The following CSMD1 variants were observed in gnomAD, a reference collection of about 807,000 sequenced individuals.
CSMD1 encodes the protein CUB and Sushi multiple domains 1, also known as CUB and sushi domain-containing protein 1.
In CSMD1, 213 loss-of-function variants were observed where a neutral mutation model predicts 417.5. The observed-to-expected ratio is 0.51, with a 90% CI of 0.46 to 0.57. The LOEUF (loss-of-function observed/expected upper bound fraction) is 0.57. Ranked by LOEUF, CSMD1 falls within the 20% of genes least tolerant of loss-of-function variation. CSMD1 has a pLI of 0.00. For missense variants in CSMD1, 6,923 were observed against 4,529.7 expected (o/e 1.53, Z -15.17); for synonymous variants, 2,862 against 1,736.8 (o/e 1.65, Z -16.11).
intron 2 of CSMD1, among the ~76,000 whole-genome samples, chr8:4,507,081 T>C (rs1030745736): frequency 6.6e-6 from 1 of 152,178 alleles, no homozygotes; most frequent in African/African-American, 2.4e-5. Flanking sequence ...TGCTTATTGA[T>C]TACCTTGATT....
intron 1 of CSMD1, among the ~76,000 whole-genome samples, chr8:4,925,168 C>T (rs977344610): frequency 6.8e-6 from 1 of 146,982 alleles, no homozygotes; most frequent in African/African-American, 2.5e-5. Context: ...AGGACAACAT[C>T]ACTATGGTTA....
intron 3 of CSMD1, among the ~76,000 whole-genome samples, chr8:4,034,404 G>A (rs977727709): frequency 1.3e-5 from 2 of 152,154 alleles, no homozygotes; most frequent in African/African-American, 4.8e-5. Flanking sequence ...AAACACAACA[G>A]AAAATAGTTC....
At chr8:4,885,288 TTTCC>T (rs1005897452) in intron 1 of CSMD1, among the ~76,000 whole-genome samples, 2 of 152,062 alleles carry the variant, frequency 1.3e-5, no homozygotes, top group African/African-American at 4.8e-5. Context: ...GAGAGATAGT[TTTCC>T]TTCTTTTTTT....
chr8:4,271,393 C>T (rs543422270), intron 3 of CSMD1, among the ~76,000 whole-genome samples: 11 of 152,112 alleles, frequency 7.2e-5, no homozygotes, highest in Admixed American at 5.2e-4. Flanking sequence ...TTAAAAAATA[C>T]GTAGCTTTGC....
chr8:4,914,007 G>C (rs1227009321), intron 1 of CSMD1, among the ~76,000 whole-genome samples: 1 of 152,104 alleles, frequency 6.6e-6, no homozygotes, highest in Admixed American at 6.5e-5. Context: ...TCACATATAA[G>C]GTGTGATGCT....
chr8:3,905,858 A>G (rs559624701), intron 5 of CSMD1, among the ~76,000 whole-genome samples: 1 of 152,284 alleles, frequency 6.6e-6, no homozygotes, highest in South Asian at 2.1e-4. Flanking sequence ...CGGACTGTGG[A>G]CCCAATTTAG....
chr8:2,972,895 C>A (rs1181174348), intron 57 of CSMD1, among the ~76,000 whole-genome samples: 1 of 152,180 alleles, frequency 6.6e-6, no homozygotes, highest in East Asian at 1.9e-4. Context: ...TACGAACTTT[C>A]AAACAATAAG....
chr8:4,315,573 C>G (rs1188542774), intron 3 of CSMD1, among the ~76,000 whole-genome samples: 4 of 152,192 alleles, frequency 2.6e-5, no homozygotes, highest in Non-Finnish European at 5.9e-5. Flanking sequence ...GAGAACCAAT[C>G]TTCCATCCAG....
chr8:3,453,125 C>G (rs1229958394), intron 12 of CSMD1, among the ~76,000 whole-genome samples: 3 of 152,174 alleles, frequency 2.0e-5, no homozygotes, highest in South Asian at 2.1e-4. Context: ...ATAGTATTCT[C>G]TGATGGTAGT....
intron 1 of CSMD1, among the ~76,000 whole-genome samples, chr8:4,737,769 G>C (rs946833584): frequency 1.3e-5 from 2 of 152,140 alleles, no homozygotes; most frequent in African/African-American, 4.8e-5. Flanking sequence ...GGCCAGAGAA[G>C]ACATAGAAAC....
At chr8:4,208,729 A>T (rs1488293014) in intron 3 of CSMD1, among the ~76,000 whole-genome samples, 2 of 152,224 alleles carry the variant, frequency 1.3e-5, no homozygotes, top group African/African-American at 2.4e-5. Context: ...GGCAATAAAA[A>T]GCATGGAATA....
chr8:4,974,626 A>T (rs138059453), intron 1 of CSMD1, among the ~76,000 whole-genome samples: 1 of 152,184 alleles, frequency 6.6e-6, no homozygotes, highest in African/African-American at 2.4e-5. Flanking sequence ...AATTCTGTAT[A>T]TAATAGCAGG....
At chr8:4,539,887 G>A (rs1185968264) in intron 2 of CSMD1, among the ~76,000 whole-genome samples, 1 of 152,108 alleles carries the variant, frequency 6.6e-6, no homozygotes, top group African/African-American at 2.4e-5. Flanking sequence ...AGGAACCCCA[G>A]AGAGGTTGGG....
intron 12 of CSMD1, among the ~76,000 whole-genome samples, chr8:3,458,942 A>G (rs548290638): frequency 3.5e-4 from 53 of 152,322 alleles, no homozygotes; most frequent in African/African-American, 1.3e-3. Flanking sequence ...AGGAATTTCC[A>G]TCCCAGTGAG....
rs114872450 is a variant in CSMD1, at chr8:4,173,014, G to A, written c.416-140915C>T. On this transcript the variant is annotated intron_variant, in intron 3 of 69. Coordinates refer to ENST00000635120, the MANE Select transcript of CSMD1 (RefSeq NM_033225.6). ...CCACAGAAACCTTGAAATAATAAAT[G>A]CTTGGTATTTTAGCCCCTAATATTG... Among the ~76,000 whole-genome samples, 836 of 152,194 alleles carry A rather than the reference G, an allele frequency of 5.5e-3. 12 individuals carry two copies. The highest frequency in any genetic ancestry group is 0.02 in the African/African-American group (809 of 41,484).
intron 5 of CSMD1, among the ~76,000 whole-genome samples, chr8:3,930,188 A>C (rs1360180877): frequency 1.3e-5 from 2 of 150,398 alleles, no homozygotes; most frequent in African/African-American, 2.5e-5. Flanking sequence ...TACTTGCCGT[A>C]TCTATTAGAT....
intron 2 of CSMD1, among the ~76,000 whole-genome samples, chr8:4,445,952 GT>G (rs1798763503): frequency 6.6e-6 from 1 of 152,128 alleles, no homozygotes; most frequent in Admixed American, 6.5e-5. Flanking sequence ...GTATTTCGGT[GT>G]TGAGGTAGAC....
At chr8:3,112,802 T>C (rs1816600193) in intron 42 of CSMD1, among the ~76,000 whole-genome samples, 2 of 152,172 alleles carry the variant, frequency 1.3e-5, no homozygotes, top group African/African-American at 4.8e-5. Context: ...CATCATCACA[T>C]AAGATAACAA....
chr8:4,844,540 G>C (rs1801022415), intron 1 of CSMD1, among the ~76,000 whole-genome samples: 2 of 152,088 alleles, frequency 1.3e-5, no homozygotes, highest in African/African-American at 4.8e-5. Flanking sequence ...CGACTGGCTC[G>C]AGATTCAATA....
Sources: gnomAD v4.1 joint callset for allele counts (sites outside exome capture counted in the v4.1 genomes callset) on GRCh38, gnomAD v4.1.1 for gene constraint, MANE v1.5 for transcripts, NCBI Gene and HGNC (gene_info 2026-07-23, HGNC 2026-07-21) for gene names.